The following MED27 variants were observed in gnomAD, a reference collection of about 807,000 sequenced individuals.
MED27 encodes mediator of RNA polymerase II transcription subunit 27.
In MED27, 30 loss-of-function variants were observed where a neutral mutation model predicts 38.2. That is an observed-to-expected ratio of 0.79 (90% CI 0.59 to 1.07). The LOEUF is 1.07. Ranked by LOEUF, MED27 falls within the 50% of genes least tolerant of loss-of-function variation. The probability of loss-of-function intolerance (pLI) is 0.00; values close to 1 mark genes in which losing one functional copy is unlikely to be tolerated. For missense variants in MED27, 289 were observed against 397.5 expected (o/e 0.73, Z 2.32); for synonymous variants, 122 against 153.5 (o/e 0.79, Z 1.52).
intron 3 of MED27, among the ~76,000 whole-genome samples, chr9:131,978,123 C>A (rs1474907229): frequency 6.6e-6 from 1 of 152,196 alleles, no homozygotes; most frequent in Non-Finnish European, 1.5e-5. Context: ...GATCAAGCAT[C>A]TTCACCCAGC....
chr9:131,908,971 A>C (rs1830139262), intron 4 of MED27, among the ~76,000 whole-genome samples: 1 of 152,154 alleles, frequency 6.6e-6, no homozygotes. Context: ...GCCCCTATTC[A>C]AGATGGAGTT....
At chr9:131,877,267 G>A (rs1200337840) in intron 6 of MED27, among the ~76,000 whole-genome samples, 1 of 152,164 alleles carries the variant, frequency 6.6e-6, no homozygotes, top group Admixed American at 6.5e-5. Flanking sequence ...GGAAATGTTA[G>A]AAACTGAAAA....
chr9:132,070,207 C>T (rs977372434), intron 2 of MED27, among the ~76,000 whole-genome samples: 1 of 152,210 alleles, frequency 6.6e-6, no homozygotes, highest in Non-Finnish European at 1.5e-5. Flanking sequence ...CAGTTTACAA[C>T]CTGGAGAGAA....
At chr9:132,055,360 T>C (rs1012700612) in intron 2 of MED27, among the ~76,000 whole-genome samples, 2 of 152,220 alleles carry the variant, frequency 1.3e-5, no homozygotes, top group East Asian at 1.9e-4. Flanking sequence ...CCAAGTTTTA[T>C]TGCAACTCTG....
chr9:131,869,277 G>A (rs1427600297), intron 6 of MED27: 6 of 985,080 alleles, frequency 6.1e-6, no homozygotes, highest in Non-Finnish European at 7.2e-6. Flanking sequence ...CACCTACAGT[G>A]ATCTTCCGTC....
intron 6 of MED27, among the ~76,000 whole-genome samples, chr9:131,870,234 G>A (rs1158214349): frequency 6.6e-6 from 1 of 152,216 alleles, no homozygotes; most frequent in Admixed American, 6.5e-5. Flanking sequence ...CTGTGCAAGA[G>A]CTGGTCTACG....
chr9:132,015,224 T>C (rs1159726797), intron 2 of MED27, among the ~76,000 whole-genome samples: 5 of 152,190 alleles, frequency 3.3e-5, no homozygotes, highest in Admixed American at 3.3e-4. Flanking sequence ...CAAATGGATA[T>C]AGGCTCATTG....
intron 3 of MED27, among the ~76,000 whole-genome samples, chr9:131,958,412 A>AC (rs1409644475): frequency 6.6e-6 from 1 of 151,828 alleles, no homozygotes; most frequent in Non-Finnish European, 1.5e-5. Context: ...TGCCTGGCTA[A>AC]TTTTTTTGTA....
At chr9:131,955,429 A>C (rs558603847) in intron 3 of MED27, among the ~76,000 whole-genome samples, 24 of 152,222 alleles carry the variant, frequency 1.6e-4, no homozygotes, top group Non-Finnish European at 2.9e-4. Context: ...TAAATCAATG[A>C]AATAGAAGAC....
chr9:132,063,756 A>C (rs1833747773), intron 2 of MED27, among the ~76,000 whole-genome samples: 1 of 152,172 alleles, frequency 6.6e-6, no homozygotes, highest in South Asian at 2.1e-4. Flanking sequence ...TCAAGTGTTC[A>C]GGGGCAGGGG....
At chr9:131,976,889 T>A (rs1831619889) in intron 3 of MED27, among the ~76,000 whole-genome samples, 1 of 152,198 alleles carries the variant, frequency 6.6e-6, no homozygotes, top group Non-Finnish European at 1.5e-5. Context: ...AAGAACACTA[T>A]AATTAAAAGA....
intron 2 of MED27, among the ~76,000 whole-genome samples, chr9:132,054,168 G>C (rs1833523118): frequency 6.6e-6 from 1 of 152,142 alleles, no homozygotes; most frequent in Non-Finnish European, 1.5e-5. Flanking sequence ...GGCGGGGCCT[G>C]AAGGGAGGTG....
chr9:132,005,619 T>C (rs1832341369), intron 3 of MED27, among the ~76,000 whole-genome samples: 1 of 152,212 alleles, frequency 6.6e-6, no homozygotes, highest in South Asian at 2.1e-4. Flanking sequence ...TTGAAATTCA[T>C]TGTATCCCTC....
chr9:132,022,564 G>T (rs544016888), intron 2 of MED27, among the ~76,000 whole-genome samples: 4 of 152,256 alleles, frequency 2.6e-5, no homozygotes, highest in African/African-American at 9.6e-5. Flanking sequence ...ATCAACATCA[G>T]TGAAATTTAA....
At chr9:131,938,708 CTTT>C (rs945297879) in intron 4 of MED27, among the ~76,000 whole-genome samples, 1 of 149,980 alleles carries the variant, frequency 6.7e-6, no homozygotes, top group Non-Finnish European at 1.5e-5. Flanking sequence ...AGAGTGTTTT[CTTT>C]TTTTTTCTTT....
chr9:131,900,505 A>G (rs1829921353), intron 4 of MED27, among the ~76,000 whole-genome samples: 1 of 152,220 alleles, frequency 6.6e-6, no homozygotes, highest in African/African-American at 2.4e-5. Flanking sequence ...TGAGAAGGTG[A>G]GAGGAGCTGG....
At chr9:131,999,278 T>C (rs562537829) in intron 3 of MED27, among the ~76,000 whole-genome samples, 172 of 152,208 alleles carry the variant, frequency 1.1e-3, no homozygotes, top group Middle Eastern at 6.8e-3. Context: ...CATAATGAAG[T>C]CTATCTATGG....
intron 5 of MED27, among the ~76,000 whole-genome samples, chr9:131,886,195 T>G (rs570172475): frequency 1.3e-5 from 2 of 152,326 alleles, no homozygotes; most frequent in East Asian, 1.9e-4. Flanking sequence ...GCATATACAT[T>G]TAGTTCTCCT....
rs181733935 is a variant in MED27 at position 131,961,409 on chromosome 9, G to T, written c.480-21935C>A. On this transcript the variant is annotated intron_variant, in intron 3 of 7. Coordinates refer to ENST00000292035, the MANE Select transcript of MED27 (RefSeq NM_004269.4). The stretch of plus-strand genomic sequence containing the variant: ...GATATTTTTCAGCCTTAATTCAAAG[G>T]TTTCTTTCTTTGTTGAGTTCAGAAC... Among the ~76,000 whole-genome samples, 4 of 152,244 alleles carry T rather than the reference G, an allele frequency of 2.6e-5. No homozygotes were observed. In the East Asian group the frequency reaches 5.8e-4, roughly 22 times the overall value.
Sources: gnomAD v4.1 joint callset for allele counts (sites outside exome capture counted in the v4.1 genomes callset) on GRCh38, gnomAD v4.1.1 for gene constraint, MANE v1.5 for transcripts, NCBI Gene and HGNC (gene_info 2026-07-23, HGNC 2026-07-21) for gene names.